Variants in FUT9 observed in about 807,000 individuals in gnomAD.
The protein encoded by FUT9 is 4-galactosyl-N-acetylglucosaminide 3-alpha-L-fucosyltransferase 9.
FUT9 carries 15 observed loss-of-function variants against 29.7 expected under a neutral mutation model. The observed-to-expected ratio is 0.51, with a 90% CI of 0.34 to 0.78. The LOEUF is 0.78. FUT9 is among the 30% of genes least tolerant of loss of function. The pLI, the probability that FUT9 is intolerant of heterozygous loss-of-function variation, is 0.01. For missense variants in FUT9, 319 were observed against 425.4 expected (o/e 0.75, Z 2.20); for synonymous variants, 169 against 153.7 (o/e 1.10, Z -0.74).
At chr6:96,070,372 C>T (rs7752901) in intron 1 of FUT9, among the ~76,000 whole-genome samples, 83,856 of 151,958 alleles carry the variant, frequency 0.55, 23,271 homozygotes, top group South Asian at 0.64. Context: ...GAAAAGTTAA[C>T]TATGGCAAAC....
At chr6:96,187,397 C>T (rs1773423872) in intron 2 of FUT9, among the ~76,000 whole-genome samples, 1 of 152,120 alleles carries the variant, frequency 6.6e-6, no homozygotes, top group Non-Finnish European at 1.5e-5. Context: ...TCTGGGCCCA[C>T]ACATCCAATA....
intron 1 of FUT9, among the ~76,000 whole-genome samples, chr6:96,050,115 T>C (rs1261727196): frequency 1.4e-4 from 21 of 152,100 alleles, no homozygotes; most frequent in Non-Finnish European, 4.4e-5. Context: ...CTCATATGCA[T>C]GCTCCATCAC....
At chr6:96,082,246 GATATTTTTCT>G (rs1771249356) in intron 1 of FUT9, among the ~76,000 whole-genome samples, 1 of 151,536 alleles carries the variant, frequency 6.6e-6, no homozygotes, top group Admixed American at 6.6e-5. Flanking sequence ...GAAGTGCGGT[GATATTTTTCT>G]ATATTGTCCT....
At chr6:96,175,197 C>T (rs1773182987) in intron 2 of FUT9, among the ~76,000 whole-genome samples, 1 of 151,978 alleles carries the variant, frequency 6.6e-6, no homozygotes, top group Admixed American at 6.6e-5. Context: ...AGTTACCAGA[C>T]ATTACAGTTT....
At chr6:96,093,885 G>T (rs1019357358) in intron 1 of FUT9, among the ~76,000 whole-genome samples, 2 of 152,034 alleles carry the variant, frequency 1.3e-5, no homozygotes, top group African/African-American at 4.8e-5. Flanking sequence ...CTTTCCCCAG[G>T]TTATACAGCA....
chr6:96,145,549 A>G (rs1304549601), intron 2 of FUT9, among the ~76,000 whole-genome samples: 1 of 152,204 alleles, frequency 6.6e-6, no homozygotes, highest in Non-Finnish European at 1.5e-5. Context: ...GTTGGATAGT[A>G]ATGAATGCTA....
At chr6:96,201,796 A>G (rs1562163079) in intron 2 of FUT9, among the ~76,000 whole-genome samples, 2 of 150,826 alleles carry the variant, frequency 1.3e-5, no homozygotes, top group African/African-American at 4.9e-5. Flanking sequence ...GGAAGCTGCA[A>G]TCTCTGATTC....
intron 1 of FUT9, among the ~76,000 whole-genome samples, chr6:96,078,632 G>A (rs1771183904): frequency 6.6e-6 from 1 of 151,694 alleles, no homozygotes; most frequent in South Asian, 2.1e-4. Flanking sequence ...GTGTTAGCCA[G>A]GATGGTCTCT....
At chr6:96,094,254 GTC>G (rs1208357988) in intron 1 of FUT9, among the ~76,000 whole-genome samples, 1 of 152,070 alleles carries the variant, frequency 6.6e-6, no homozygotes, top group East Asian at 1.9e-4. Flanking sequence ...CCATCCCTTT[GTC>G]TAGTGTATTC....
At position 96,077,104 on chromosome 6, in the gene FUT9, C is replaced by G. The variant is rs564192514; in HGVS notation, c.-97-36935C>G. 2.0e-5 allele frequency among the ~76,000 whole-genome samples: 3 copies of G among 152,214 alleles called. No individual in the cohort carries two copies. In the East Asian group the frequency reaches 5.8e-4, roughly 29 times the overall value. Reference sequence around the variant, plus strand: ...CAGAGACACAATACTCACAAATACACAAATGCAGACATGGTTCTGGTATAA... The same window carrying G: ...CAGAGACACAATACTCACAAATACAGAAATGCAGACATGGTTCTGGTATAA... On this transcript the variant is annotated intron_variant, in intron 1 of 2. Coordinates refer to ENST00000302103, the MANE Select transcript of FUT9 (RefSeq NM_006581.4).
At position 96,214,302 on chromosome 6, in the gene FUT9, T is replaced by C. The variant is rs1773995697; in HGVS notation, c.*10067T>C. ...TTTTTCTATAACTGAGAATGGTATA[T>C]CTTTTTATACACTGCCTAAATCAGT... On this transcript the variant is annotated 3_prime_UTR_variant, in exon 3 of 3. Coordinates refer to ENST00000302103, the MANE Select transcript of FUT9 (RefSeq NM_006581.4). 6.0e-6 allele frequency: 1 copy of C among 166,930 alleles called. No homozygotes were observed. Among genetic ancestry groups the C allele is most frequent in the African/African-American group, 2.4e-5 (1 of 41,458 alleles). The allele number at this position is 166,930 out of a possible 1,614,324, so 10.3% of individuals were successfully genotyped here. A position where few individuals can be genotyped will look rare whatever the true frequency, so the allele number is the denominator to read the frequency against.
chr6:96,172,953 T>C (rs925861574), intron 2 of FUT9, among the ~76,000 whole-genome samples: 2 of 152,090 alleles, frequency 1.3e-5, no homozygotes, highest in Non-Finnish European at 2.9e-5. Context: ...CAGAAACATT[T>C]TTATAAGGCT....
rs182256806 is a variant in FUT9 at position 96,086,235 on chromosome 6, A to G, written c.-97-27804A>G. 8.5e-4 allele frequency among the ~76,000 whole-genome samples: 130 copies of G among 152,236 alleles called. 1 individual carries two copies. In the Middle Eastern group the frequency reaches 0.01, roughly 12 times the overall value. On this transcript the variant is annotated intron_variant, in intron 1 of 2. Transcript: ENST00000302103. ...AACACTTTGTGTTTTCAGATTTCCA[A>G]TTTTGAAATTTGACATGTGCAGTGT...
chr6:96,130,896 A>G (rs1772230854), intron 2 of FUT9, among the ~76,000 whole-genome samples: 1 of 152,158 alleles, frequency 6.6e-6, no homozygotes, highest in Admixed American at 6.5e-5. Flanking sequence ...TCTGAACTCA[A>G]GTTATTTTAG....
At chr6:96,090,130 A>G (rs1771386242) in intron 1 of FUT9, among the ~76,000 whole-genome samples, 1 of 152,138 alleles carries the variant, frequency 6.6e-6, no homozygotes, top group Non-Finnish European at 1.5e-5. Context: ...CATAAGAAAG[A>G]GTTAACATTA....
intron 2 of FUT9, among the ~76,000 whole-genome samples, chr6:96,120,104 C>A (rs1395934431): frequency 1.3e-5 from 2 of 151,926 alleles, no homozygotes; most frequent in African/African-American, 2.4e-5. Flanking sequence ...AATTTTCTAC[C>A]ATATTTAATG....
intron 2 of FUT9, among the ~76,000 whole-genome samples, chr6:96,187,066 G>A (rs1246219049): frequency 6.6e-6 from 1 of 152,036 alleles, no homozygotes; most frequent in Non-Finnish European, 1.5e-5. Flanking sequence ...AAACATAATA[G>A]CAAAAGATTA....
At chr6:96,165,934 G>A (rs1773008455) in intron 2 of FUT9, among the ~76,000 whole-genome samples, 1 of 151,920 alleles carries the variant, frequency 6.6e-6, no homozygotes, top group Non-Finnish European at 1.5e-5. Context: ...ATATTATTCT[G>A]TATATTTTTC....
intron 1 of FUT9, among the ~76,000 whole-genome samples, chr6:96,097,363 T>C (rs1771518162): frequency 6.6e-6 from 1 of 152,176 alleles, no homozygotes; most frequent in Admixed American, 6.5e-5. Context: ...TTGCGACATA[T>C]GTAGGTAGCT....
Sources: allele counts gnomAD v4.1 joint callset (sites outside exome capture counted in the v4.1 genomes callset), GRCh38; gene constraint gnomAD v4.1.1; transcripts MANE v1.5; gene names NCBI Gene and HGNC (gene_info 2026-07-23, HGNC 2026-07-21).